The following ADAM9 variants were observed in gnomAD, a reference collection of about 807,000 sequenced individuals.
The protein encoded by ADAM9 is ADAM metallopeptidase domain 9.
ADAM9 carries 54 observed loss-of-function variants against 108.1 expected under a neutral mutation model. The observed-to-expected ratio is 0.50, with a 90% CI of 0.40 to 0.63. The LOEUF (loss-of-function observed/expected upper bound fraction) is 0.63, where lower values mean the gene tolerates loss of function less well. ADAM9 is among the 20% of genes least tolerant of loss of function. The probability of loss-of-function intolerance (pLI) is 0.00; values close to 1 mark genes in which losing one functional copy is unlikely to be tolerated. For synonymous variants in ADAM9, 316 were observed against 336.0 expected, an observed-to-expected ratio of 0.94 and a Z score of 0.65; for missense variants, 830 against 997.7, an observed-to-expected ratio of 0.83 and a Z score of 2.26.
intron 14 of ADAM9, 91 bp downstream of exon 14, chr8:39,055,863 A>G (rs1255127072): frequency 7.6e-7 from 1 of 1,310,110 alleles, no homozygotes; most frequent in African/African-American, 1.5e-5. Context: ...TTATTGATAA[A>G]GTTGAGGCTC....
intron 11 of ADAM9, among the ~76,000 whole-genome samples, chr8:39,040,036 G>A (rs1837409381): frequency 1.3e-5 from 2 of 152,128 alleles, no homozygotes; most frequent in Middle Eastern, 3.4e-3. Context: ...ACTAGCACTT[G>A]TCATCTCTTT....
intron 7 of ADAM9, 57 bp from the exon 8 acceptor site, chr8:39,021,586 A>G: frequency 6.6e-7 from 1 of 1,504,344 alleles, no homozygotes; most frequent in Non-Finnish European, 9.3e-7. Context: ...ACCCGGCCTT[A>G]CATTTCTATT....
At chr8:39,054,618 A>AG (rs761661813) in intron 13 of ADAM9, 45 bp downstream of exon 13, 28 of 1,522,766 alleles carry the variant, frequency 1.8e-5, no homozygotes, top group South Asian at 1.2e-4. Context: ...AAAAAAAAAA[A>AG]AAAAGAAAAC....
At chr8:39,059,568 T>G (rs924270294) in intron 14 of ADAM9, among the ~76,000 whole-genome samples, 3 of 152,238 alleles carry the variant, frequency 2.0e-5, no homozygotes, top group African/African-American at 7.2e-5. Context: ...TCTACTTGAT[T>G]ATTAAAATTC....
At chr8:39,012,141 A>T (rs2129432520) in intron 3 of ADAM9, among the ~76,000 whole-genome samples, 1 of 152,040 alleles carries the variant, frequency 6.6e-6, no homozygotes, top group Non-Finnish European at 1.5e-5. Flanking sequence ...TCAAGGCATG[A>T]CCCCCAGAGT....
At chr8:39,010,387 T>C (rs986161619) in intron 2 of ADAM9, among the ~76,000 whole-genome samples, 3 of 152,156 alleles carry the variant, frequency 2.0e-5, no homozygotes, top group African/African-American at 7.2e-5. Context: ...TGGATTCCCA[T>C]GCAGGATGTG....
chr8:39,003,492 A>AG (rs997035464), intron 1 of ADAM9, among the ~76,000 whole-genome samples: 3 of 151,636 alleles, frequency 2.0e-5, no homozygotes, highest in African/African-American at 7.3e-5. Context: ...ATTTAAAAAA[A>AG]AAAAAAACAA....
chr8:39,091,151 C>T, intron 19 of ADAM9, 108 bp from the exon 20 acceptor site: 1 of 1,012,612 alleles, frequency 9.9e-7, no homozygotes, highest in Non-Finnish European at 1.6e-6. Context: ...TCATCCCCAC[C>T]ACTACCAACA....
intron 1 of ADAM9, among the ~76,000 whole-genome samples, chr8:39,000,208 G>T (rs1835952324): frequency 6.6e-6 from 1 of 152,018 alleles, no homozygotes. Flanking sequence ...TAGCCAGGAT[G>T]GTCTCGACCT....
At position 39,083,086 on chromosome 8, in the gene ADAM9, G is replaced by C; in HGVS notation, c.2068+13G>C. ...CCTACATACAATGGCAAGTAATATA[G>C]AAGAAAATTAGTGTGATCTCCCAGT... On this transcript the variant is annotated intron_variant, in intron 18 of 21. Coordinates refer to ENST00000487273, the MANE Select transcript of ADAM9 (RefSeq NM_003816.3). 6.2e-7 allele frequency: 1 copy of C among 1,608,360 alleles called. No individual in the cohort carries two copies. Among genetic ancestry groups the C allele is most frequent in the Non-Finnish European group, 8.5e-7 (1 of 1,175,178 alleles).
chr8:39,104,999 C>T lies in ADAM9; in HGVS notation c.*1299C>T, dbSNP rs1045413220. ...TACAATAAATAAAATACTTGAAATTCTCTTTTGTGTCTCCTAGTAGCTTCC... is the reference window on the plus strand; with the variant it reads ...TACAATAAATAAAATACTTGAAATTTTCTTTTGTGTCTCCTAGTAGCTTCC... On this transcript the variant is annotated 3_prime_UTR_variant, in exon 22 of 22. Transcript: ENST00000487273. 7 of 428,664 alleles carry T rather than the reference C, an allele frequency of 1.6e-5. No individual in the cohort carries two copies. The highest frequency in any genetic ancestry group is 1.4e-4 in the African/African-American group (7 of 48,376). 26.6% of individuals were successfully genotyped at this position (428,664 alleles called of 1,614,324 possible).
chr8:39,012,957 A>C (rs564909135), intron 3 of ADAM9, among the ~76,000 whole-genome samples: 46 of 152,150 alleles, frequency 3.0e-4, no homozygotes, highest in Non-Finnish European at 5.1e-4. Flanking sequence ...ATAATAAAAA[A>C]ATATATAGAC....
chr8:39,055,884 C>A, intron 14 of ADAM9, 112 bp downstream of exon 14: 2 of 1,114,180 alleles, frequency 1.8e-6, no homozygotes, highest in Non-Finnish European at 2.5e-6. Context: ...TCTTGTTTCT[C>A]ATCGTATTTC....
At chr8:39,064,468 T>C (rs1171219418) in intron 14 of ADAM9, among the ~76,000 whole-genome samples, 1 of 152,196 alleles carries the variant, frequency 6.6e-6, no homozygotes, top group African/African-American at 2.4e-5. Flanking sequence ...CATGCGATTA[T>C]GGTAAGCAAC....
intron 20 of ADAM9, among the ~76,000 whole-genome samples, chr8:39,091,611 C>T (rs775512452): frequency 3.9e-5 from 6 of 152,056 alleles, no homozygotes; most frequent in African/African-American, 7.2e-5. Context: ...CTCAGCCTCC[C>T]GAGTAGCTGG....
rs1214165445 is a variant in ADAM9, at chr8:39,103,887, G to A, written c.*187G>A. 5.7e-6 allele frequency: 4 copies of A among 702,768 alleles called. No individual in the cohort carries two copies. The highest frequency in any genetic ancestry group is 7.7e-6 in the Non-Finnish European group (3 of 388,554). 43.5% of individuals were successfully genotyped at this position (702,768 alleles called of 1,614,324 possible). A position where few individuals can be genotyped will look rare whatever the true frequency, so the allele number is the denominator to read the frequency against. On this transcript the variant is annotated 3_prime_UTR_variant, in exon 22 of 22. Transcript: ENST00000487273. ...GAGTTGTGAAATACAAGGAAATGCA[G>A]TAAAGCCAGGGAATTTACAATAACA...
At chr8:39,042,875 G>A (rs1052021127) in intron 12 of ADAM9, among the ~76,000 whole-genome samples, 24 of 152,054 alleles carry the variant, frequency 1.6e-4, no homozygotes, top group Non-Finnish European at 1.0e-4. Context: ...TTTTCACTGT[G>A]TGTAACTGAA....
intron 1 of ADAM9, among the ~76,000 whole-genome samples, chr8:38,998,317 C>T (rs1051906180): frequency 4.6e-5 from 7 of 152,092 alleles, no homozygotes; most frequent in Non-Finnish European, 8.8e-5. Context: ...ACTACTTTTC[C>T]GGTGGTATTC....
At chr8:39,071,435 A>G in intron 15 of ADAM9, 32 bp downstream of exon 15, 1 of 1,451,044 alleles carries the variant, frequency 6.9e-7, no homozygotes, top group East Asian at 2.3e-5. Flanking sequence ...ATGGAATATG[A>G]AAGATTATAA....
Sources: gnomAD v4.1 joint callset for allele counts (sites outside exome capture counted in the v4.1 genomes callset) on GRCh38, gnomAD v4.1.1 for gene constraint, MANE v1.5 for transcripts, NCBI Gene and HGNC (gene_info 2026-07-23, HGNC 2026-07-21) for gene names.